AGAP1: variants seen among roughly 807,000 people sequenced by gnomAD.
AGAP1 encodes the protein arf-GAP with GTPase, ANK repeat and PH domain-containing protein 1.
AGAP1 carries 29 observed loss-of-function variants against 105.3 expected under a neutral mutation model. The ratio of observed to expected loss-of-function variants is 0.28; its 90% CI spans 0.21 to 0.38. The LOEUF (loss-of-function observed/expected upper bound fraction) is 0.38. AGAP1 is among the 10% of genes least tolerant of loss of function. The pLI, the probability that AGAP1 is intolerant of heterozygous loss-of-function variation, is 1.00. For missense variants in AGAP1, 998 were observed against 1,165.1 expected (o/e 0.86, Z 2.09); for synonymous variants, 509 against 485.9 (o/e 1.05, Z -0.63).
At chr2:235,870,882 C>A (rs1438713368) in intron 9 of AGAP1, among the ~76,000 whole-genome samples, 2 of 152,216 alleles carry the variant, frequency 1.3e-5, no homozygotes, top group Non-Finnish European at 1.5e-5. Context: ...GCCCAGAGAC[C>A]ACTTTTCTTT....
chr2:236,091,258 G>A (rs549952827), intron 16 of AGAP1, among the ~76,000 whole-genome samples: 21 of 152,338 alleles, frequency 1.4e-4, no homozygotes, highest in Non-Finnish European at 2.9e-4. Context: ...AGTCCAGGTC[G>A]CCTGGGGCCC....
intron 1 of AGAP1, among the ~76,000 whole-genome samples, chr2:235,687,576 A>C (rs758820319): frequency 1.3e-5 from 2 of 152,234 alleles, no homozygotes; most frequent in Non-Finnish European, 2.9e-5. Context: ...GTTTAATTTG[A>C]TAAACATGCA....
rs749923464 is a variant in AGAP1 at position 235,801,033 on chromosome 2, T to G, written c.957+1511T>G. 6.6e-6 allele frequency among the ~76,000 whole-genome samples: 1 copy of G among 152,136 alleles called. No homozygotes were observed. The highest frequency in any genetic ancestry group is 2.1e-4 in the South Asian group (1 of 4,826). ...AGATCCCCCGCCCCTCTGCCACATGTCTGGGGCAGTCTCTCATTGGATGCT... is the reference window on the plus strand; with the variant it reads ...AGATCCCCCGCCCCTCTGCCACATGGCTGGGGCAGTCTCTCATTGGATGCT... On this transcript the variant is annotated intron_variant, in intron 8 of 17. Coordinates refer to ENST00000304032, the MANE Select transcript of AGAP1 (RefSeq NM_001037131.3). This position sits in a 1 kb window ranked among gnomAD's most constrained non-coding sequence, Gnocchi z 6.0.
chr2:235,738,939 A>C (rs1952415172), intron 3 of AGAP1, among the ~76,000 whole-genome samples: 1 of 152,178 alleles, frequency 6.6e-6, no homozygotes, highest in African/African-American at 2.4e-5. Flanking sequence ...CTTTTTAAAA[A>C]GTTTTTTTAA....
intron 13 of AGAP1, among the ~76,000 whole-genome samples, chr2:235,987,972 G>T (rs2055392207): frequency 6.6e-6 from 1 of 152,134 alleles, no homozygotes; most frequent in Non-Finnish European, 1.5e-5. Flanking sequence ...GCTTTTTCCA[G>T]AAAATCAAAC....
At chr2:235,917,985 A>C (rs1239737346) in intron 11 of AGAP1, among the ~76,000 whole-genome samples, 1 of 152,220 alleles carries the variant, frequency 6.6e-6, no homozygotes, top group Non-Finnish European at 1.5e-5. Context: ...ATGGAAAGAA[A>C]GTTTTTCTTT....
chr2:235,859,494 A>T (rs2048835353), intron 9 of AGAP1, among the ~76,000 whole-genome samples: 1 of 148,476 alleles, frequency 6.7e-6, no homozygotes, highest in African/African-American at 2.5e-5. Context: ...TCAGATAGGA[A>T]CGACTAATTG....
Position 235,989,261 on chromosome 2 carries a change from G to A in AGAP1, c.1645+20638G>A, listed in dbSNP as rs73996692. 5.6e-3 allele frequency among the ~76,000 whole-genome samples: 859 copies of A among 152,302 alleles called. 8 individuals are homozygous for A. The highest frequency in any genetic ancestry group is 0.02 in the African/African-American group (811 of 41,554). On this transcript the variant is annotated intron_variant, in intron 13 of 17. Coordinates refer to ENST00000304032, the MANE Select transcript of AGAP1 (RefSeq NM_001037131.3). This position sits in a 1 kb window ranked among gnomAD's most constrained non-coding sequence, Gnocchi z 4.4. Reference sequence around the variant, plus strand: ...CAGGTATTTATTGACCAGGTACTGTGTAGAGGTCGCTGCTGCGTGTGGCTT... The same window carrying A: ...CAGGTATTTATTGACCAGGTACTGTATAGAGGTCGCTGCTGCGTGTGGCTT...
rs2125920567 is a variant in AGAP1, at chr2:236,105,863, C to T, written c.2115-14329C>T. Among the ~76,000 whole-genome samples the T allele has an allele frequency of 6.6e-6, 1 of 152,326 alleles. No homozygotes were observed. The highest frequency in any genetic ancestry group is 1.5e-5 in the Non-Finnish European group (1 of 68,026). On this transcript the variant is annotated intron_variant, in intron 16 of 17. Transcript: ENST00000304032. The surrounding 1 kb of genome is among the most constrained non-coding windows in gnomAD (Gnocchi z 4.2). ...CCACCCTCCTCGGCCTCCCAAAGTGCTGGGATTACAGGCGTGAGCCATCGT... is the reference window on the plus strand; with the variant it reads ...CCACCCTCCTCGGCCTCCCAAAGTGTTGGGATTACAGGCGTGAGCCATCGT...
intron 6 of AGAP1, among the ~76,000 whole-genome samples, chr2:235,795,152 A>T (rs1957185710): frequency 6.6e-6 from 1 of 152,106 alleles, no homozygotes; most frequent in Admixed American, 6.5e-5. Flanking sequence ...TCACATAGAC[A>T]CACCAAGCTT....
In AGAP1 at chr2:236,089,634, G is replaced by A. The variant is rs1238763639; in HGVS notation, c.2115-30558G>A. ...AGAGTTTGCACAGAAGAAAAGGGAG[G>A]TTGTTTAACCAGAAAGGCCCTCTGC... On this transcript the variant is annotated intron_variant, in intron 16 of 17. Coordinates refer to ENST00000304032, the MANE Select transcript of AGAP1 (RefSeq NM_001037131.3). The surrounding 1 kb of genome is among the most constrained non-coding windows in gnomAD (Gnocchi z 5.6). 1.3e-5 allele frequency among the ~76,000 whole-genome samples: 2 copies of A among 152,188 alleles called. No individual in the cohort carries two copies. The highest frequency in any genetic ancestry group is 2.9e-5 in the Non-Finnish European group (2 of 68,036).
Position 235,992,065 on chromosome 2 carries a change from T to G in AGAP1, c.1645+23442T>G. ...TGGTGTCTCCTCTGTCCACAGGACA[T>G]GGCCGTAGCCGTGTGTGGAGAAGGG... On this transcript the variant is annotated intron_variant, in intron 13 of 17. Transcript: ENST00000304032. The surrounding 1 kb of genome is among the most constrained non-coding windows in gnomAD (Gnocchi z 4.8). Among the ~76,000 whole-genome samples the G allele has an allele frequency of 1.3e-5, 2 of 152,222 alleles. 1 individual carries two copies. The highest frequency in any genetic ancestry group is 2.9e-5 in the Non-Finnish European group (2 of 68,048).
rs1282902566 is a variant in AGAP1, at chr2:235,971,926, G to A, written c.1645+3303G>A. Among the ~76,000 whole-genome samples, 3 of 151,802 alleles carry A rather than the reference G, an allele frequency of 2.0e-5. No homozygotes were observed. Among genetic ancestry groups the A allele is most frequent in the African/African-American group, 2.4e-5 (1 of 41,334 alleles). On this transcript the variant is annotated intron_variant, in intron 13 of 17. Transcript: ENST00000304032. This position sits in a 1 kb window ranked among gnomAD's most constrained non-coding sequence, Gnocchi z 4.8. ...CCCAAGTAGCTGGGACCACAGGCAG[G>A]CACCACGACACCTGGCTAATTTTTT... is the stretch of plus-strand genomic sequence containing the variant.
At chr2:235,653,364 T>A (rs2149327354) in intron 1 of AGAP1, among the ~76,000 whole-genome samples, 1 of 151,962 alleles carries the variant, frequency 6.6e-6, no homozygotes, top group East Asian at 1.9e-4. Context: ...CTCGGGAGGC[T>A]GAGGCAGGAG....
At position 235,887,761 on chromosome 2, in the gene AGAP1, G is replaced by GT. The variant is rs1290964144; in HGVS notation, c.1155+4313dup. 2.0e-5 allele frequency among the ~76,000 whole-genome samples: 3 copies of GT among 152,218 alleles called. No homozygotes were observed. The highest frequency in any genetic ancestry group is 4.4e-5 in the Non-Finnish European group (3 of 68,040). On this transcript the variant is annotated intron_variant, in intron 10 of 17. Coordinates refer to ENST00000304032, the MANE Select transcript of AGAP1 (RefSeq NM_001037131.3). The surrounding 1 kb of genome is among the most constrained non-coding windows in gnomAD (Gnocchi z 4.1). Reference sequence around the variant, plus strand: ...TGAGGTTGCTGCACCGATTCCTGGTGTATACCACTAATTTAAGAAGCCCAG... The same window carrying GT: ...TGAGGTTGCTGCACCGATTCCTGGTGTTATACCACTAATTTAAGAAGCCCAG...
intron 9 of AGAP1, among the ~76,000 whole-genome samples, chr2:235,831,330 C>G (rs1441431311): frequency 1.3e-5 from 2 of 152,196 alleles, no homozygotes; most frequent in African/African-American, 4.8e-5. Flanking sequence ...GCACTGTCAC[C>G]CTCAGTCCAT....
intron 1 of AGAP1, chr2:235,669,587 G>GCCCGCCCCGC (rs1339690517): frequency 2.0e-5 from 3 of 147,802 alleles, no homozygotes; most frequent in African/African-American, 7.3e-5. Flanking sequence ...GGCCCCCGTC[G>GCCCGCCCCGC]CCCGCCCCGC....
At chr2:235,932,870 T>C (rs1171281006) in intron 12 of AGAP1, among the ~76,000 whole-genome samples, 2 of 152,230 alleles carry the variant, frequency 1.3e-5, no homozygotes, top group African/African-American at 4.8e-5. Flanking sequence ...TGGGCTGCAT[T>C]GTCTGCACGC....
chr2:235,621,502 G>A lies in AGAP1; in HGVS notation c.164-87677G>A, dbSNP rs908335164. ...CACCATTCTTACCTCCTATACCTACGAGGCTGTCATGTGAATGTGTCAAGG... is the reference window on the plus strand; with the variant it reads ...CACCATTCTTACCTCCTATACCTACAAGGCTGTCATGTGAATGTGTCAAGG... On this transcript the variant is annotated intron_variant, in intron 1 of 17. Coordinates refer to ENST00000304032, the MANE Select transcript of AGAP1 (RefSeq NM_001037131.3). This position sits in a 1 kb window ranked among gnomAD's most constrained non-coding sequence, Gnocchi z 4.1. 3.9e-5 allele frequency among the ~76,000 whole-genome samples: 6 copies of A among 152,176 alleles called. No homozygotes were observed. The highest frequency in any genetic ancestry group is 2.6e-4 in the Admixed American group (4 of 15,274).
Sources: allele counts gnomAD v4.1 joint callset (sites outside exome capture counted in the v4.1 genomes callset), GRCh38; gene constraint gnomAD v4.1.1; non-coding constraint Gnocchi (gnomAD v3.1); transcripts MANE v1.5; gene names NCBI Gene and HGNC (gene_info 2026-07-23, HGNC 2026-07-21).